Variants in MTMR9 observed in about 807,000 individuals in gnomAD.
The protein encoded by MTMR9 is myotubularin related protein 9.
In MTMR9, 39 loss-of-function variants were observed where a neutral mutation model predicts 69.5. The observed-to-expected ratio is 0.56, with a 90% CI of 0.43 to 0.73. The LOEUF (loss-of-function observed/expected upper bound fraction) is 0.73, where lower values mean the gene tolerates loss of function less well. Ranked by LOEUF, MTMR9 falls within the 30% of genes least tolerant of loss-of-function variation. The pLI is 0.00. For missense variants in MTMR9, 900 were observed against 671.2 expected (o/e 1.34, Z -3.77); for synonymous variants, 354 against 240.8 (o/e 1.47, Z -4.35).
intron 6 of MTMR9, 68 bp downstream of exon 6, chr8:11,309,756 C>A: frequency 6.5e-7 from 1 of 1,537,244 alleles, no homozygotes. Context: ...TTTATCCAGA[C>A]ATATGTTTAT....
intron 6 of MTMR9, among the ~76,000 whole-genome samples, chr8:11,310,769 T>G (rs1286623043): frequency 6.6e-6 from 1 of 152,016 alleles, no homozygotes; most frequent in Non-Finnish European, 1.5e-5. Flanking sequence ...AGGCTTCTGT[T>G]TTTTTTATGA....
downstream of MTMR9, chr8:11,330,749 A>C (rs992404603): frequency 1.6e-5 from 6 of 386,492 alleles, no homozygotes; most frequent in Non-Finnish European, 2.8e-5. Context: ...ACCACTCCCT[A>C]ATCTCAAGTA....
chr8:11,298,741 A>G (rs1336227550), intron 2 of MTMR9: 58 of 787,368 alleles, frequency 7.4e-5, no homozygotes, highest in Non-Finnish European at 8.1e-5. Context: ...GCCATCCAGT[A>G]TAGAAATACT....
chr8:11,289,125 T>C (rs1585105838), intron 1 of MTMR9, among the ~76,000 whole-genome samples: 2 of 152,264 alleles, frequency 1.3e-5, no homozygotes, highest in African/African-American at 2.4e-5. Flanking sequence ...TAAACTGAGA[T>C]TGCACCACTG....
the MTMR9 span, among the ~76,000 whole-genome samples, chr8:11,339,327 A>G: frequency 6.6e-6 from 1 of 152,206 alleles, no homozygotes; most frequent in African/African-American, 2.4e-5. Flanking sequence ...CTTTTCAGAA[A>G]CTATTCCCTT....
At chr8:11,298,725 C>G (rs915904334) in intron 2 of MTMR9, 8 of 906,756 alleles carry the variant, frequency 8.8e-6, no homozygotes, top group African/African-American at 3.7e-5. Flanking sequence ...GCTGCACCCC[C>G]CCCCCGCCAT....
In MTMR9 at chr8:11,324,233, C is replaced by G. The variant is rs1225806926; in HGVS notation, c.*1445C>G. The stretch of plus-strand genomic sequence containing the variant: ...TTGACTAGCAAAATCTATGGCCACA[C>G]TGAGAAGCCTTTGAAAATGGCAAAT... On this transcript the variant is annotated 3_prime_UTR_variant, in exon 10 of 10. Coordinates refer to ENST00000221086, the MANE Select transcript of MTMR9 (RefSeq NM_015458.4). 1 of 152,300 alleles carries G rather than the reference C, an allele frequency of 6.6e-6. No homozygotes were observed. Among genetic ancestry groups the G allele is most frequent in the South Asian group, 2.1e-4 (1 of 4,826 alleles). 9.4% of individuals were successfully genotyped at this position (152,300 alleles called of 1,614,324 possible).
chr8:11,317,744 C>T (rs1800490475), intron 8 of MTMR9: 1 of 152,244 alleles, frequency 6.6e-6, no homozygotes, highest in African/African-American at 2.4e-5. Context: ...CAGGCACCAT[C>T]AAGTGTATAG....
At chr8:11,296,199 A>AATCAG (rs1270341348) in intron 2 of MTMR9, among the ~76,000 whole-genome samples, 7 of 152,142 alleles carry the variant, frequency 4.6e-5, no homozygotes, top group African/African-American at 1.7e-4. Flanking sequence ...ACCATTGGTA[A>AATCAG]AGTACTTAAC....
At chr8:11,307,642 A>T (rs992237886) in intron 5 of MTMR9, among the ~76,000 whole-genome samples, 2 of 152,214 alleles carry the variant, frequency 1.3e-5, no homozygotes, top group Non-Finnish European at 1.5e-5. Context: ...CACAGTGGCC[A>T]TACTAATTTA....
intron 1 of MTMR9, among the ~76,000 whole-genome samples, chr8:11,286,666 CAAAAAAAAAA>C (rs869105936): frequency 1.4e-5 from 1 of 71,662 alleles, no homozygotes; most frequent in African/African-American, 5.3e-5. Flanking sequence ...AACTCCATCT[CAAAAAAAAAA>C]AAAAAAAAAA....
intron 6 of MTMR9, 36 bp downstream of exon 6, chr8:11,309,724 G>A (rs7009857): frequency 0.13 from 211,483 of 1,604,010 alleles, 15,723 homozygotes; most frequent in Non-Finnish European, 0.16. Context: ...GCGAAACATG[G>A]CGCTGCTAAC....
intron 7 of MTMR9, among the ~76,000 whole-genome samples, chr8:11,315,273 A>C (rs1800368609): frequency 6.6e-6 from 1 of 152,232 alleles, no homozygotes. Flanking sequence ...TTCACTTAGG[A>C]AACTCCTGTT....
intron 6 of MTMR9, 46 bp from the exon 7 acceptor site, chr8:11,314,877 A>T: frequency 6.3e-7 from 1 of 1,593,360 alleles, no homozygotes; most frequent in Non-Finnish European, 8.6e-7. Flanking sequence ...TTCATTGACC[A>T]TGTTGGACAT....
chr8:11,288,402 G>A (rs2117616), intron 1 of MTMR9, among the ~76,000 whole-genome samples: 89,125 of 145,862 alleles, frequency 0.61, 27,812 homozygotes, highest in East Asian at 0.89. Flanking sequence ...AGGAAGGAAA[G>A]TAACGGAAGA....
chr8:11,289,063 T>A (rs1000723952), intron 1 of MTMR9, among the ~76,000 whole-genome samples: 1 of 152,028 alleles, frequency 6.6e-6, no homozygotes, highest in Non-Finnish European at 1.5e-5. Context: ...TCCCAGCTAC[T>A]CAGGAGGCTG....
rs1242221448 is a variant in MTMR9 at position 11,295,221 on chromosome 8, C to G, written c.210C>G (p.Ile70Met). The G allele has an allele frequency of 6.2e-7, 1 of 1,609,576 alleles. No homozygotes were observed. The highest frequency in any genetic ancestry group is 8.5e-7 in the Non-Finnish European group (1 of 1,176,554). ...TTGTAGGATCACTGGGTACCATCAT[C>G]ATAAAATGTAAAGATTTTCGAATTA... Reference protein sequence around the residue: ...KRFVGSLGTIIIKCKDFRIIQ... With the variant: ...KRFVGSLGTIMIKCKDFRIIQ... The change falls in exon 2 of 10, where the codon ATC becomes ATG. Residue 70 changes from isoleucine to methionine, a missense_variant. By Grantham distance (10) the Ile-to-Met change is conservative. Transcript: ENST00000221086.
At chr8:11,289,678 A>G (rs1799312126) in intron 1 of MTMR9, among the ~76,000 whole-genome samples, 1 of 152,134 alleles carries the variant, frequency 6.6e-6, no homozygotes, top group South Asian at 2.1e-4. Context: ...AATAGATAGC[A>G]CTATTGTGTA....
At chr8:11,285,291 TG>T (rs1799107616) in intron 1 of MTMR9, 1 of 497,308 alleles carries the variant, frequency 2.0e-6, no homozygotes, top group African/African-American at 2.0e-5. Flanking sequence ...ATCGTGTGGC[TG>T]GTACCATCCT....
Sources: gnomAD v4.1 joint callset for allele counts (sites outside exome capture counted in the v4.1 genomes callset) on GRCh38, gnomAD v4.1.1 for gene constraint, MANE v1.5 for transcripts, NCBI Gene and HGNC (gene_info 2026-07-23, HGNC 2026-07-21) for gene names.